DICER1: variants seen among roughly 807,000 people sequenced by gnomAD.
DICER1 encodes endoribonuclease Dicer.
Under a neutral mutation model 194.1 loss-of-function variants are expected in DICER1, and 43 were observed. The observed-to-expected ratio is 0.22, with a 90% CI of 0.17 to 0.29. The LOEUF (loss-of-function observed/expected upper bound fraction) is 0.29, where lower values mean the gene tolerates loss of function less well. Among genes scored for constraint, DICER1 ranks in the 10% least tolerant of loss-of-function variants. The pLI is 1.00. For synonymous variants in DICER1, 832 were observed against 820.5 expected, an observed-to-expected ratio of 1.01 and a Z score of -0.24; for missense variants, 1,608 against 2,317.0, an observed-to-expected ratio of 0.69 and a Z score of 6.28.
chr14:95,096,118 T>C lies in DICER1; in HGVS notation c.4802A>G (p.Lys1601Arg), dbSNP rs181018393. ...ATTCTCCCGAGTAGGGCACAGGGCC[T>C]TTTCCCGATCAGTCCTTTTAATTAC... Reference protein sequence around the residue: ...LPVIKRTDREKALCPTRENFN... With the variant: ...LPVIKRTDRERALCPTRENFN... Residue 1601 changes from lysine (K) to arginine (R), a missense_variant, in exon 23 of 27, where the codon AAG becomes AGG. Transcript: ENST00000343455. 1 of 1,614,152 alleles carries C rather than the reference T, an allele frequency of 6.2e-7. No individual in the cohort carries two copies. Among genetic ancestry groups the C allele is most frequent in the Non-Finnish European group, 8.5e-7 (1 of 1,180,004 alleles).
rs1890383492 is a variant in DICER1 at position 95,096,685 on chromosome 14, T to C, written c.4235A>G (p.Lys1412Arg). The change falls in exon 23 of 27, where the codon AAA (lysine) becomes AGA (arginine). Residue 1412 changes from lysine to arginine, a missense_variant. By Grantham distance (26) the Lys-to-Arg change is conservative (BLOSUM62 2). Transcript: ENST00000343455. ...MTKDCMLANG[K>R]LDEDYEEEDE... The stretch of plus-strand genomic sequence containing the variant: ...CTCCTCCTCGTAATCCTCATCCAGT[T>C]TGCCATTCGCCAGCATGCAGTCTTT... 6.2e-7 allele frequency: 1 copy of C among 1,612,232 alleles called. No individual in the cohort carries two copies. Among genetic ancestry groups the C allele is most frequent in the Non-Finnish European group, 8.5e-7 (1 of 1,179,074 alleles).
chr14:95,123,553 G>A (rs573637690), intron 8 of DICER1, among the ~76,000 whole-genome samples: 2 of 152,226 alleles, frequency 1.3e-5, no homozygotes, highest in Admixed American at 1.3e-4. Context: ...CTCCCAAGTA[G>A]CTGGGACTAC....
intron 1 of DICER1, among the ~76,000 whole-genome samples, chr14:95,137,486 G>A (rs1894488409): frequency 7.1e-6 from 1 of 140,520 alleles, no homozygotes; most frequent in Non-Finnish European, 1.5e-5. Context: ...ATGGGGATAG[G>A]GAAGGGGAAG....
At chr14:95,148,096 G>T (rs1425502671) in intron 1 of DICER1, among the ~76,000 whole-genome samples, 4 of 152,220 alleles carry the variant, frequency 2.6e-5, no homozygotes, top group African/African-American at 9.6e-5. Flanking sequence ...GACATGCACA[G>T]GGTTAGGTAT....
intron 1 of DICER1, among the ~76,000 whole-genome samples, chr14:95,154,556 A>G (rs1404732680): frequency 6.6e-6 from 1 of 152,242 alleles, no homozygotes; most frequent in Non-Finnish European, 1.5e-5. Flanking sequence ...CATCTAAATC[A>G]TCACAGATGA....
chr14:95,131,287 A>T (rs1329025702), intron 4 of DICER1, among the ~76,000 whole-genome samples: 1 of 152,140 alleles, frequency 6.6e-6, no homozygotes, highest in African/African-American at 2.4e-5. Context: ...AGCCTCCCAA[A>T]GTGCTGGGAT....
intron 26 of DICER1, 96 bp from the exon 27 acceptor site, chr14:95,090,759 T>G: frequency 7.1e-7 from 1 of 1,418,402 alleles, no homozygotes; most frequent in Non-Finnish European, 9.9e-7. Flanking sequence ...AGGAGTCCCA[T>G]GTATAAGCTG....
intron 14 of DICER1, among the ~76,000 whole-genome samples, chr14:95,110,173 C>G (rs930750634): frequency 6.6e-6 from 1 of 152,058 alleles, no homozygotes; most frequent in Non-Finnish European, 1.5e-5. Context: ...TAAAAAAAAA[C>G]ACTTTTAATA....
chr14:95,102,518 G>A (rs1397859606), intron 21 of DICER1, among the ~76,000 whole-genome samples: 1 of 152,020 alleles, frequency 6.6e-6, no homozygotes, highest in Admixed American at 6.6e-5. Context: ...CTTCCCTGAC[G>A]CTGACATGCT....
intron 12 of DICER1, among the ~76,000 whole-genome samples, chr14:95,112,669 T>TTGGTC (rs1409531817): frequency 1.3e-5 from 2 of 152,192 alleles, no homozygotes; most frequent in Non-Finnish European, 2.9e-5. Flanking sequence ...AAGAACAGTA[T>TTGGTC]TTACAAAAAG....
rs940868069 is a variant in DICER1, at chr14:95,089,194, AAAG to A, written c.*1301_*1303del. 1.7e-4 allele frequency: 40 copies of A among 233,060 alleles called. No individual in the cohort carries two copies. Among genetic ancestry groups the A allele is most frequent in the African/African-American group, 8.4e-4 (38 of 45,344 alleles). 14.4% of individuals were successfully genotyped at this position (233,060 alleles called of 1,614,324 possible). A position where few individuals can be genotyped will look rare whatever the true frequency, so the allele number is the denominator to read the frequency against. On this transcript the variant is annotated 3_prime_UTR_variant, in exon 27 of 27. Transcript: ENST00000343455. ...ATTAAAGAAACTTAGGCAAATGCCT[AAAG>A]AAGTTTTTTTTTTTTTCCTTTTCCA...
At chr14:95,147,663 T>C (rs1200259122) in intron 1 of DICER1, among the ~76,000 whole-genome samples, 1 of 152,212 alleles carries the variant, frequency 6.6e-6, no homozygotes, top group Non-Finnish European at 1.5e-5. Context: ...GTGTCTTCTA[T>C]TAATGACTGA....
In DICER1 at chr14:95,126,573, T is replaced by C. The variant is rs1566806562; in HGVS notation, c.903+7A>G. 2.7e-6 allele frequency: 4 copies of C among 1,475,782 alleles called. No homozygotes were observed. Among genetic ancestry groups the C allele is most frequent in the South Asian group, 2.3e-5 (2 of 87,838 alleles). 91.4% of individuals were successfully genotyped at this position (1,475,782 alleles called of 1,614,324 possible). On this transcript the variant is annotated splice_region_variant and intron_variant, in intron 7 of 26. Transcript: ENST00000343455. Reference sequence around the variant, plus strand: ...ATAATCACTATACCTACTTGGTATATGCTTACCTGTTTCGAAATTAAAGTA... The same window carrying C: ...ATAATCACTATACCTACTTGGTATACGCTTACCTGTTTCGAAATTAAAGTA...
intron 1 of DICER1, chr14:95,140,858 AG>A (rs1451037625): frequency 6.6e-6 from 1 of 152,238 alleles, no homozygotes; most frequent in Non-Finnish European, 1.5e-5. Context: ...GTTGAATAAA[AG>A]GCCATTATTT....
rs1889371895 is a variant in DICER1 at position 95,086,820 on chromosome 14, A to G, written c.*3678T>C. 4.3e-6 allele frequency: 1 copy of G among 232,444 alleles called. No individual in the cohort carries two copies. The highest frequency in any genetic ancestry group is 8.5e-6 in the Non-Finnish European group (1 of 117,664). 14.4% of individuals were successfully genotyped at this position (232,444 alleles called of 1,614,324 possible). A position where few individuals can be genotyped will look rare whatever the true frequency, so the allele number is the denominator to read the frequency against. ...TAAAGAAATTTATCTGGAAATAATTAAATTCCTGAAAAGTAATCAGTGGTT... is the reference window on the plus strand; with the variant it reads ...TAAAGAAATTTATCTGGAAATAATTGAATTCCTGAAAAGTAATCAGTGGTT... On this transcript the variant is annotated 3_prime_UTR_variant, in exon 27 of 27. Coordinates refer to ENST00000343455, the MANE Select transcript of DICER1 (RefSeq NM_177438.3).
In DICER1 at chr14:95,087,444, C is replaced by A. The variant is rs1889422273; in HGVS notation, c.*3054G>T. 4.3e-6 allele frequency: 1 copy of A among 233,138 alleles called. No homozygotes were observed. The highest frequency in any genetic ancestry group is 6.1e-5 in the East Asian group (1 of 16,496). The allele number at this position is 233,138 out of a possible 1,614,324, so 14.4% of individuals were successfully genotyped here. A position where few individuals can be genotyped will look rare whatever the true frequency, so the allele number is the denominator to read the frequency against. Reference sequence around the variant, plus strand: ...GTAAAAATGCCACAGACAAAAATGACCTATTTAAGTTGTGCGAGTATATGA... The same window carrying A: ...GTAAAAATGCCACAGACAAAAATGAACTATTTAAGTTGTGCGAGTATATGA... On this transcript the variant is annotated 3_prime_UTR_variant, in exon 27 of 27. Transcript: ENST00000343455.
At chr14:95,153,013 A>G (rs1020682872) in intron 1 of DICER1, among the ~76,000 whole-genome samples, 1 of 151,994 alleles carries the variant, frequency 6.6e-6, no homozygotes, top group African/African-American at 2.4e-5. Context: ...TCAGGAGATC[A>G]AGACCATCCT....
chr14:95,141,044 A>G (rs1444092585), intron 1 of DICER1: 1 of 152,226 alleles, frequency 6.6e-6, no homozygotes, highest in Admixed American at 6.5e-5. Context: ...TAAGGAAATC[A>G]AAGTAAATAA....
intron 13 of DICER1, among the ~76,000 whole-genome samples, 171 bp from the exon 14 acceptor site, chr14:95,111,627 T>C (rs981765178): frequency 3.3e-5 from 5 of 152,198 alleles, no homozygotes; most frequent in South Asian, 4.1e-4. Flanking sequence ...AAAGTCTATT[T>C]TGGCATCCAT....
Sources: allele counts gnomAD v4.1 joint callset (sites outside exome capture counted in the v4.1 genomes callset), GRCh38; gene constraint gnomAD v4.1.1; transcripts MANE v1.5; gene names NCBI Gene and HGNC (gene_info 2026-07-23, HGNC 2026-07-21).